The following GRIA1 variants were observed in gnomAD, a reference collection of about 807,000 sequenced individuals.
GRIA1 encodes the protein glutamate receptor 1.
A neutral mutation model predicts 99.2 loss-of-function variants in GRIA1; 31 were observed. The observed-to-expected ratio is 0.31, with a 90% CI of 0.23 to 0.42. The LOEUF (loss-of-function observed/expected upper bound fraction) is 0.42, where lower values mean the gene tolerates loss of function less well. Among genes scored for constraint, GRIA1 ranks in the 10% least tolerant of loss-of-function variants. The probability of loss-of-function intolerance (pLI) is 1.00; values close to 1 mark genes in which losing one functional copy is unlikely to be tolerated. For missense variants in GRIA1, 782 were observed against 1,157.5 expected (o/e 0.68, Z 4.71); for synonymous variants, 438 against 432.4 (o/e 1.01, Z -0.16).
chr5:153,663,017 T>A (rs1206227720), intron 5 of GRIA1, among the ~76,000 whole-genome samples: 1 of 152,140 alleles, frequency 6.6e-6, no homozygotes, highest in East Asian at 1.9e-4. Flanking sequence ...GAGCTGACAC[T>A]GCCCAGAGCC....
chr5:153,501,688 C>T lies in GRIA1; in HGVS notation c.220+7623C>T, dbSNP rs1248414716. Among the ~76,000 whole-genome samples the T allele has an allele frequency of 4.6e-5, 7 of 152,148 alleles. No homozygotes were observed. The East Asian group carries it at 1.4e-3, about 29-fold the overall frequency. On this transcript the variant is annotated intron_variant, in intron 2 of 15. Coordinates refer to ENST00000285900, the MANE Select transcript of GRIA1 (RefSeq NM_000827.4). ...TTCAATGGCCTTGTTTCTTTACTTC[C>T]ATCTCCAGTTTGGGATGGAGTCTGG...
chr5:153,689,231 C>A (rs2149500641), intron 8 of GRIA1, among the ~76,000 whole-genome samples: 1 of 152,232 alleles, frequency 6.6e-6, no homozygotes, highest in East Asian at 1.9e-4. Flanking sequence ...GGTATCACCT[C>A]CTGCCTTGAC....
rs1376766376 is a variant in GRIA1, at chr5:153,527,836, C to G, written c.220+33771C>G. On this transcript the variant is annotated intron_variant, in intron 2 of 15. Transcript: ENST00000285900. ...GGTGAAATGGAACATTTCTTGAGAT[C>G]TCAGTTCTGTGAGCAATTGCAAGTG... Among the ~76,000 whole-genome samples, 5 of 152,200 alleles carry G rather than the reference C, an allele frequency of 3.3e-5. No homozygotes were observed. In the East Asian group the frequency reaches 5.8e-4, roughly 18 times the overall value.
chr5:153,726,806 T>C (rs1431614959), intron 11 of GRIA1, among the ~76,000 whole-genome samples: 2 of 152,092 alleles, frequency 1.3e-5, no homozygotes, highest in East Asian at 1.9e-4. Context: ...CTACCAGAGG[T>C]ACAAGGAGGA....
At chr5:153,575,145 T>C (rs1762419919) in intron 2 of GRIA1, among the ~76,000 whole-genome samples, 1 of 151,840 alleles carries the variant, frequency 6.6e-6, no homozygotes, top group Admixed American at 6.6e-5. Context: ...TCTTGGTCTC[T>C]TTCTTAGCTC....
At chr5:153,521,471 TACAGCTTCC>T (rs1171692223) in intron 2 of GRIA1, among the ~76,000 whole-genome samples, 1 of 152,204 alleles carries the variant, frequency 6.6e-6, no homozygotes, top group Non-Finnish European at 1.5e-5. Context: ...TTGACAGAAC[TACAGCTTCC>T]ACATCTGGCT....
At position 153,698,081 on chromosome 5, in the gene GRIA1, C is replaced by A. The variant is rs770450225; in HGVS notation, c.1172C>A (p.Ala391Glu). 5.6e-6 allele frequency: 9 copies of A among 1,610,094 alleles called. No homozygotes were observed. The highest frequency in any genetic ancestry group is 7.7e-6 in the Non-Finnish European group (9 of 1,176,422). The change falls in exon 9 of 16, where the codon GCA becomes GAA. Residue 391 changes from alanine (A) to glutamate (E), a missense_variant. Coordinates refer to ENST00000285900, the MANE Select transcript of GRIA1 (RefSeq NM_000827.4). ...YWNEDDKFVP[A>E]ATDAQAGGDN... is the part of the protein sequence containing the mutation. ...AATGAAGATGATAAGTTTGTCCCTG[C>A]AGCCACCGATGCCCAAGCTGGGGGC... is the stretch of plus-strand genomic sequence containing the variant.
chr5:153,649,881 T>A (rs982172022), intron 3 of GRIA1, among the ~76,000 whole-genome samples: 1 of 152,208 alleles, frequency 6.6e-6, no homozygotes, highest in African/African-American at 2.4e-5. Context: ...AGATGCTAGG[T>A]TGGCACATTT....
chr5:153,777,346 G>C (rs1403866990), intron 13 of GRIA1, among the ~76,000 whole-genome samples: 1 of 152,096 alleles, frequency 6.6e-6, no homozygotes, highest in Non-Finnish European at 1.5e-5. Flanking sequence ...CTCATGGAAT[G>C]GTTCACAACC....
At chr5:153,676,140 A>G (rs1472693323) in intron 6 of GRIA1, among the ~76,000 whole-genome samples, 2 of 152,248 alleles carry the variant, frequency 1.3e-5, no homozygotes, top group Non-Finnish European at 2.9e-5. Context: ...TACAGGCGTG[A>G]GCCACTGCGC....
chr5:153,518,268 T>G (rs1756815646), intron 2 of GRIA1, among the ~76,000 whole-genome samples: 1 of 148,792 alleles, frequency 6.7e-6, no homozygotes, highest in Admixed American at 6.6e-5. Flanking sequence ...TTAGTACCCA[T>G]TTTGCCTACT....
intron 2 of GRIA1, among the ~76,000 whole-genome samples, chr5:153,535,626 A>C (rs2113459067): frequency 6.6e-6 from 1 of 152,352 alleles, no homozygotes; most frequent in East Asian, 1.9e-4. Context: ...CTTGGTCTCA[A>C]GTTGGCACTA....
At chr5:153,766,797 A>C (rs1417159633) in intron 12 of GRIA1, among the ~76,000 whole-genome samples, 3 of 152,188 alleles carry the variant, frequency 2.0e-5, no homozygotes, top group African/African-American at 7.2e-5. Context: ...GTCATGCCCT[A>C]CCTAATGAGA....
rs192683245 is a variant in GRIA1 at position 153,504,074 on chromosome 5, A to G, written c.220+10009A>G. Reference sequence around the variant, plus strand: ...GTCCTGGGCCTGATGTCATTGGATAAAACTTAGGACACATGCTCATTTCTG... The same window carrying G: ...GTCCTGGGCCTGATGTCATTGGATAGAACTTAGGACACATGCTCATTTCTG... On this transcript the variant is annotated intron_variant, in intron 2 of 15. Coordinates refer to ENST00000285900, the MANE Select transcript of GRIA1 (RefSeq NM_000827.4). Among the ~76,000 whole-genome samples the G allele has an allele frequency of 7.2e-4, 109 of 152,280 alleles. 1 individual carries two copies. Among genetic ancestry groups the G allele is most frequent in the Admixed American group, 5.6e-3 (86 of 15,286 alleles).
chr5:153,640,541 A>G (rs1753714242), intron 2 of GRIA1, among the ~76,000 whole-genome samples: 1 of 152,206 alleles, frequency 6.6e-6, no homozygotes, highest in Admixed American at 6.5e-5. Flanking sequence ...TGCTTTGGAT[A>G]AAGTGGTCCC....
intron 10 of GRIA1, 31 bp downstream of exon 10, chr5:153,699,104 G>A (rs766537985): frequency 8.7e-6 from 13 of 1,491,626 alleles, no homozygotes; most frequent in Non-Finnish European, 1.2e-5. Flanking sequence ...GAAATTAGAG[G>A]GCGGAGGCAG....
intron 7 of GRIA1, among the ~76,000 whole-genome samples, chr5:153,678,567 C>G (rs1447724861): frequency 1.3e-5 from 2 of 152,194 alleles, no homozygotes; most frequent in African/African-American, 4.8e-5. Flanking sequence ...CTGCGCCTCC[C>G]TTTCTACCCC....
chr5:153,744,224 T>G (rs1762002145), intron 11 of GRIA1, among the ~76,000 whole-genome samples: 3 of 152,210 alleles, frequency 2.0e-5, no homozygotes, highest in Non-Finnish European at 4.4e-5. Context: ...CAGGCAAATT[T>G]ATGGCAACAG....
intron 13 of GRIA1, among the ~76,000 whole-genome samples, chr5:153,778,987 T>C (rs1764462008): frequency 6.6e-6 from 1 of 152,120 alleles, no homozygotes; most frequent in African/African-American, 2.4e-5. Context: ...ACCAAAAACA[T>C]CCCTAAAGAT....
Sources: allele counts gnomAD v4.1 joint callset (sites outside exome capture counted in the v4.1 genomes callset), GRCh38; gene constraint gnomAD v4.1.1; transcripts MANE v1.5; gene names NCBI Gene and HGNC (gene_info 2026-07-23, HGNC 2026-07-21).